SYNRG: variants seen among roughly 807,000 people sequenced by gnomAD.
The protein encoded by SYNRG is synergin gamma.
In SYNRG, 37 loss-of-function variants were observed where a neutral mutation model predicts 130.9. The ratio of observed to expected loss-of-function variants is 0.28; its 90% CI spans 0.22 to 0.37. The LOEUF (loss-of-function observed/expected upper bound fraction) is 0.37. SYNRG is among the 10% of genes least tolerant of loss of function. SYNRG has a pLI of 1.00. For synonymous variants in SYNRG, 539 were observed against 568.1 expected, an observed-to-expected ratio of 0.95 and a Z score of 0.73; for missense variants, 1,338 against 1,588.9, an observed-to-expected ratio of 0.84 and a Z score of 2.68.
In SYNRG at chr17:37,543,281, C is replaced by T. The variant is rs952937788; in HGVS notation, c.2609-716G>A. ...ATAAAAAGATCTGGGTCCTGTTGGG[C>T]TCCACTTTTTCCTTCAACTATGTAT... On this transcript the variant is annotated intron_variant, in intron 14 of 21. Coordinates refer to ENST00000612223, the MANE Select transcript of SYNRG (RefSeq NM_007247.6). 5.9e-5 allele frequency among the ~76,000 whole-genome samples: 9 copies of T among 152,138 alleles called. No homozygotes were observed. The East Asian group carries it at 1.7e-3, about 29-fold the overall frequency.
At chr17:37,532,863 G>A in intron 19 of SYNRG, among the ~76,000 whole-genome samples, 1 of 152,002 alleles carries the variant, frequency 6.6e-6, no homozygotes, top group East Asian at 1.9e-4. Context: ...ACATGAGCCT[G>A]CCATCTGTAT....
intron 3 of SYNRG, 116 bp from the exon 4 acceptor site, chr17:37,586,665 A>C (rs1856630769): frequency 2.5e-6 from 3 of 1,198,842 alleles, no homozygotes; most frequent in Admixed American, 2.4e-5. Flanking sequence ...AAATAGAAAT[A>C]TATTGGATTA....
intron 4 of SYNRG, among the ~76,000 whole-genome samples, chr17:37,585,818 A>T (rs1376547800): frequency 6.6e-6 from 1 of 152,144 alleles, no homozygotes; most frequent in Non-Finnish European, 1.5e-5. Context: ...ATGATTTGGG[A>T]ATCAGGAAGC....
intron 19 of SYNRG, among the ~76,000 whole-genome samples, chr17:37,528,280 C>T (rs1261052342): frequency 1.3e-5 from 2 of 152,200 alleles, no homozygotes; most frequent in African/African-American, 2.4e-5. Context: ...CTCTCTTCTT[C>T]TGTCTACTTC....
chr17:37,538,443 AC>A (rs762587017), intron 17 of SYNRG, 23 bp from the exon 18 acceptor site: 23 of 1,511,470 alleles, frequency 1.5e-5, no homozygotes, highest in African/African-American at 4.2e-5. Context: ...AAATCACATC[AC>A]CTTACATAAC....
Position 37,515,776 on chromosome 17 carries a change from GTGGTCC to G in SYNRG, c.*3158_*3163del, listed in dbSNP as rs2054381965. On this transcript the variant is annotated 3_prime_UTR_variant, in exon 22 of 22. Transcript: ENST00000612223. The stretch of plus-strand genomic sequence containing the variant: ...CGCCCGGCTAAAGGGAATTTTTGTA[GTGGTCC>G]CCAGTACAGGGCCAGCATTTCCTAT... 2.0e-5 allele frequency: 3 copies of G among 152,330 alleles called. No individual in the cohort carries two copies. In the South Asian group the frequency reaches 6.2e-4, roughly 32 times the overall value. 9.4% of individuals were successfully genotyped at this position (152,330 alleles called of 1,614,324 possible).
chr17:37,563,613 G>A (rs899054356), intron 11 of SYNRG, among the ~76,000 whole-genome samples: 7 of 151,806 alleles, frequency 4.6e-5, no homozygotes, highest in African/African-American at 1.7e-4. Flanking sequence ...CTGCAGTTTC[G>A]ACCTCCTAGG....
intron 21 of SYNRG, among the ~76,000 whole-genome samples, 175 bp downstream of exon 21, chr17:37,520,004 T>A (rs929874057): frequency 7.9e-5 from 12 of 152,028 alleles, no homozygotes; most frequent in Non-Finnish European, 1.2e-4. Context: ...AAGACAGAAG[T>A]GGACCCACAC....
chr17:37,590,229 G>C lies in SYNRG; in HGVS notation c.241-3680C>G, dbSNP rs1245397698. 2.0e-5 allele frequency among the ~76,000 whole-genome samples: 3 copies of C among 150,908 alleles called. No homozygotes were observed. In the East Asian group the frequency reaches 5.8e-4, roughly 29 times the overall value. On this transcript the variant is annotated intron_variant, in intron 3 of 21. Transcript: ENST00000612223. Reference sequence around the variant, plus strand: ...AACTTTTTTTAAATAAGAAGATACAGGTAGGGAAGAATGTCTTAGATAAGT... The same window carrying C: ...AACTTTTTTTAAATAAGAAGATACACGTAGGGAAGAATGTCTTAGATAAGT...
At chr17:37,539,367 A>AGTTT (rs1338396315) in intron 16 of SYNRG, 122 bp from the exon 17 acceptor site, 1 of 1,059,850 alleles carries the variant, frequency 9.4e-7, no homozygotes, top group African/African-American at 1.6e-5. Context: ...TAGTTCAAGC[A>AGTTT]GTTTATGTTT....
chr17:37,544,838 A>G (rs2058125307), intron 14 of SYNRG, among the ~76,000 whole-genome samples: 1 of 152,160 alleles, frequency 6.6e-6, no homozygotes, highest in Admixed American at 6.5e-5. Context: ...CATAATACAG[A>G]TATTTCTATT....
At position 37,577,591 on chromosome 17, in the gene SYNRG, G is replaced by A. The variant is rs2060938692; in HGVS notation, c.612C>T (p.Phe204=). 4 of 1,613,902 alleles carry A rather than the reference G, an allele frequency of 2.5e-6. No individual in the cohort carries two copies. The highest frequency in any genetic ancestry group is 2.5e-6 in the Non-Finnish European group (3 of 1,180,000). The change falls in exon 7 of 22, where the codon TTC becomes TTT. Residue 204 remains phenylalanine, a synonymous_variant. Transcript: ENST00000612223. ...ATGTACTTATATCACAAGATACTAG[G>A]AACTTCTCCTCCAAGGAAGGGCCTA... is the stretch of plus-strand genomic sequence containing the variant. ...KKPGPSLEEK[F]LVSCDISTSG... is the part of the protein sequence containing the mutation.
At chr17:37,529,732 C>T in intron 19 of SYNRG, 1 of 1,522,952 alleles carries the variant, frequency 6.6e-7, no homozygotes, top group South Asian at 1.2e-5. Context: ...CCCCACTTAT[C>T]CTTTCCCCCA....
chr17:37,567,054 A>G (rs2060050291), intron 11 of SYNRG: 1 of 152,268 alleles, frequency 6.6e-6, no homozygotes, highest in Admixed American at 6.5e-5. Flanking sequence ...TCCTATATTT[A>G]GCTGATTTCT....
In SYNRG at chr17:37,539,194, T is replaced by C. The variant is rs1203308360; in HGVS notation, c.3418A>G (p.Asn1140Asp). 6.2e-7 allele frequency: 1 copy of C among 1,613,984 alleles called. No individual in the cohort carries two copies. The highest frequency in any genetic ancestry group is 1.3e-5 in the African/African-American group (1 of 74,936). The change falls in exon 17 of 22, where the codon AAT becomes GAT. Residue 1140 changes from asparagine to aspartate, a missense_variant and splice_region_variant. This residue lies in a region of SYNRG where 1,146 missense variants were observed against 1,342.3 expected (regional missense o/e 0.85). Transcript: ENST00000612223. ...GAACGCGTAAGTGACATACTCACAT[T>C]CAGGGCACTCCCCAGGCATCTCTGC... ...EWQRCLGSAL[N>D]VIKKANDTLN...
At chr17:37,540,282 C>T (rs2144803478) in intron 16 of SYNRG, 98 bp downstream of exon 16, 2 of 1,405,136 alleles carry the variant, frequency 1.4e-6, no homozygotes, top group South Asian at 2.6e-5. Context: ...TCTTTCTGCC[C>T]CTCATTTTCC....
rs1209748130 is a variant in SYNRG at position 37,520,569 on chromosome 17, A to G, written c.3746T>C (p.Val1249Ala). 6.2e-7 allele frequency: 1 copy of G among 1,613,938 alleles called. No individual in the cohort carries two copies. The highest frequency in any genetic ancestry group is 8.5e-7 in the Non-Finnish European group (1 of 1,180,022). The change falls in exon 20 of 22, where the codon GTG (valine) becomes GCG (alanine). Residue 1249 changes from valine to alanine, a missense_variant. Transcript: ENST00000612223. ...CCTCGAGTCCACATTCAAGAGGCAC[A>G]CTCCACAGGCAAGCTCCTGAGCATT... is the stretch of plus-strand genomic sequence containing the variant. ...IKNAQELACGVCLLNVDSRSR... is the reference protein window; with the variant it reads ...IKNAQELACGACLLNVDSRSR...
At position 37,542,167 on chromosome 17, in the gene SYNRG, T is replaced by C. The variant is rs760002865; in HGVS notation, c.3007A>G (p.Thr1003Ala). 1.4e-5 allele frequency: 22 copies of C among 1,614,230 alleles called. No homozygotes were observed. Among genetic ancestry groups the C allele is most frequent in the Non-Finnish European group, 1.9e-5 (22 of 1,180,030 alleles). Residue 1003 changes from threonine to alanine, a missense_variant, in exon 15 of 22, where the codon ACG becomes GCG. This residue lies in a region of SYNRG where 1,146 missense variants were observed against 1,342.3 expected (regional missense o/e 0.85). Transcript: ENST00000612223. ...CCACTGGACGCTGGGCTGGGACACG[T>C]GGCCTCCTGGCTCCGTTCAGCCGTA... ...LPTAERSQEA[T>A]CPSPASSGAS...
At chr17:37,598,333 G>A (rs897482682) in intron 2 of SYNRG, among the ~76,000 whole-genome samples, 2 of 152,220 alleles carry the variant, frequency 1.3e-5, no homozygotes, top group Non-Finnish European at 2.9e-5. Flanking sequence ...AAGCCATGCA[G>A]ATGTTTGGGA....
Sources: gnomAD v4.1 joint callset for allele counts (sites outside exome capture counted in the v4.1 genomes callset) on GRCh38, gnomAD v4.1.1 for gene constraint, gnomAD v4.1.1 regional missense constraint, MANE v1.5 for transcripts, NCBI Gene and HGNC (gene_info 2026-07-23, HGNC 2026-07-21) for gene names.